The following APP variants were observed in gnomAD, a reference collection of about 807,000 sequenced individuals.
The protein encoded by APP is amyloid-beta precursor protein.
A neutral mutation model predicts 101.4 loss-of-function variants in APP; 31 were observed. The ratio of observed to expected loss-of-function variants is 0.31; its 90% CI spans 0.23 to 0.41. The LOEUF is 0.41. Ranked by LOEUF, APP falls within the 10% of genes least tolerant of loss-of-function variation. APP has a pLI of 1.00. For missense variants in APP, 839 were observed against 1,003.7 expected (o/e 0.84, Z 2.22); for synonymous variants, 366 against 364.4 (o/e 1.00, Z -0.05).
At position 25,881,784 on chromosome 21, in the gene APP, A is replaced by C; in HGVS notation, c.2212-13T>G. 6.2e-7 allele frequency: 1 copy of C among 1,610,448 alleles called. No homozygotes were observed. The highest frequency in any genetic ancestry group is 8.5e-7 in the Non-Finnish European group (1 of 1,178,056). On this transcript the variant is annotated splice_polypyrimidine_tract_variant and intron_variant, in intron 17 of 17. Transcript: ENST00000346798. ...CAGCGGCGTCAACCTGAAAAACAAG[A>C]GGAGAGCTGAGTAAAAAATAAAAAT...
chr21:25,929,291 C>T (rs1043523251), intron 13 of APP, among the ~76,000 whole-genome samples: 1 of 151,688 alleles, frequency 6.6e-6, no homozygotes, highest in African/African-American at 2.4e-5. Context: ...AATGTTTTTA[C>T]TAATTATAAG....
intron 5 of APP, among the ~76,000 whole-genome samples, chr21:26,035,580 A>G (rs2045068303): frequency 6.6e-6 from 1 of 152,140 alleles, no homozygotes; most frequent in Non-Finnish European, 1.5e-5. Flanking sequence ...AGCATATCCA[A>G]ATAAGGCTTC....
chr21:25,999,725 CT>C (rs2146676780), intron 7 of APP, among the ~76,000 whole-genome samples: 1 of 152,316 alleles, frequency 6.6e-6, no homozygotes, highest in African/African-American at 2.4e-5. Context: ...GCCACTCCAG[CT>C]TTGTTTAAAA....
chr21:25,918,786 C>A (rs1301086846), intron 13 of APP, among the ~76,000 whole-genome samples: 2 of 150,236 alleles, frequency 1.3e-5, no homozygotes, highest in African/African-American at 4.9e-5. Flanking sequence ...AACTGCAAGG[C>A]GGCAGCGAGG....
At chr21:25,945,450 T>G (rs1031163950) in intron 13 of APP, 1 of 125,890 alleles carries the variant, frequency 7.9e-6, no homozygotes, top group Non-Finnish European at 1.6e-5. Context: ...TTAAAATTCA[T>G]GTTGTAATGC....
At chr21:26,039,063 G>A (rs1055960573) in intron 5 of APP, among the ~76,000 whole-genome samples, 1 of 152,098 alleles carries the variant, frequency 6.6e-6, no homozygotes, top group Non-Finnish European at 1.5e-5. Flanking sequence ...ACTTGGATGC[G>A]TCTATTACAC....
At chr21:26,013,127 G>A (rs2146736244) in intron 6 of APP, among the ~76,000 whole-genome samples, 1 of 152,276 alleles carries the variant, frequency 6.6e-6, no homozygotes, top group South Asian at 2.1e-4. Context: ...GACCAGCCTG[G>A]CCAACATGGT....
chr21:26,043,939 C>T (rs2045491455), intron 5 of APP, among the ~76,000 whole-genome samples: 1 of 152,168 alleles, frequency 6.6e-6, no homozygotes, highest in Non-Finnish European at 1.5e-5. Flanking sequence ...GAACCTCGAT[C>T]TTTTTCCTAT....
At chr21:25,945,353 T>C (rs545093495) in intron 13 of APP, among the ~76,000 whole-genome samples, 2 of 140,102 alleles carry the variant, frequency 1.4e-5, no homozygotes, top group Admixed American at 1.5e-4. Context: ...TTCCCCAAAA[T>C]GATCTACAGA....
intron 8 of APP, 149 bp from the exon 9 acceptor site, chr21:25,982,626 G>A: frequency 2.9e-6 from 2 of 701,132 alleles, no homozygotes. Flanking sequence ...TGCTGTTTAA[G>A]AGAACACCAT....
At chr21:26,082,282 T>C (rs1030884164) in intron 3 of APP, among the ~76,000 whole-genome samples, 1 of 152,196 alleles carries the variant, frequency 6.6e-6, no homozygotes, top group African/African-American at 2.4e-5. Flanking sequence ...TTCTTTGATA[T>C]GTTAAATGTT....
chr21:25,997,706 C>T (rs899612749), intron 7 of APP, among the ~76,000 whole-genome samples: 1 of 152,108 alleles, frequency 6.6e-6, no homozygotes, highest in African/African-American at 2.4e-5. Flanking sequence ...ATCCCCAATT[C>T]CCTTCGATGC....
chr21:26,120,112 T>C (rs1038377914), intron 1 of APP, among the ~76,000 whole-genome samples: 1 of 152,224 alleles, frequency 6.6e-6, no homozygotes. Context: ...CTATAATAAA[T>C]GGTTATTGTT....
intron 11 of APP, among the ~76,000 whole-genome samples, chr21:25,973,908 C>T (rs45444295): frequency 6.8e-5 from 10 of 147,498 alleles, no homozygotes; most frequent in African/African-American, 2.6e-4. Context: ...CCACTGCACT[C>T]CAGCCTGGGT....
At chr21:25,887,538 A>AAAAC (rs1555888100) in intron 17 of APP, among the ~76,000 whole-genome samples, 1 of 145,564 alleles carries the variant, frequency 6.9e-6, no homozygotes, top group African/African-American at 2.5e-5. Flanking sequence ...AAAAAAAAAA[A>AAAAC]AACAACAACT....
chr21:26,165,224 A>G (rs373845546), intron 1 of APP, among the ~76,000 whole-genome samples: 1 of 152,256 alleles, frequency 6.6e-6, no homozygotes, highest in African/African-American at 2.4e-5. Context: ...ACTATGCAGG[A>G]AACTTACATA....
chr21:25,914,075 C>G (rs908014603), intron 13 of APP, among the ~76,000 whole-genome samples: 5 of 152,048 alleles, frequency 3.3e-5, no homozygotes, highest in African/African-American at 1.2e-4. Context: ...TCCCTTCCAC[C>G]TTTCCTGTTT....
chr21:26,093,799 T>C (rs1368242868), intron 2 of APP, among the ~76,000 whole-genome samples: 1 of 152,094 alleles, frequency 6.6e-6, no homozygotes, highest in African/African-American at 2.4e-5. Context: ...ATTGTTAATA[T>C]GCAGATGGAT....
intron 11 of APP, among the ~76,000 whole-genome samples, chr21:25,972,444 T>A (rs216769): frequency 1 from 152,328 of 152,328 alleles, 76,164 homozygotes; most frequent in Non-Finnish European, 1. Flanking sequence ...CCAGTATTTT[T>A]TACCCAGCAA....
Sources: gnomAD v4.1 joint callset for allele counts (sites outside exome capture counted in the v4.1 genomes callset) on GRCh38, gnomAD v4.1.1 for gene constraint, MANE v1.5 for transcripts, NCBI Gene and HGNC (gene_info 2026-07-23, HGNC 2026-07-21) for gene names.